MKI67: variants seen among roughly 807,000 people sequenced by gnomAD.
MKI67 encodes proliferation marker protein Ki-67.
MKI67 carries 152 observed loss-of-function variants against 233.5 expected under a neutral mutation model. That is an observed-to-expected ratio of 0.65 (90% CI 0.57 to 0.74). The LOEUF is 0.74. MKI67 is among the 30% of genes least tolerant of loss of function. The probability of loss-of-function intolerance (pLI) is 0.00; values close to 1 mark genes in which losing one functional copy is unlikely to be tolerated. For synonymous variants in MKI67, 1,465 were observed against 1,418.5 expected (o/e 1.03, Z -0.74); for missense variants, 3,940 against 3,885.2 (o/e 1.01, Z -0.37).
At chr10:128,116,136 T>C (rs759387317) in intron 6 of MKI67, 129 bp from the exon 7 acceptor site, 5 of 1,050,864 alleles carry the variant, frequency 4.8e-6, no homozygotes, top group Non-Finnish European at 6.8e-6. Context: ...CTACAAATTA[T>C]TTAATGCCTA....
In MKI67 at chr10:128,106,847, CTG is replaced by C. The variant is rs145960091; in HGVS notation, c.4991_4992del (p.Thr1664ArgfsTer7). On this transcript the variant is annotated frameshift_variant, in exon 13 of 15. Transcript: ENST00000368654. LOFTEE classifies it high-confidence loss of function. ...QTSGETTHTH[T>X]EPTGDGKSMK... ...ATGCTCTTACCATCTCCTGTTGGCT[CTG>C]TGTGTGTGTGTGTAGTCTCTCCTGA... 1.1e-4 allele frequency: 165 copies of C among 1,530,922 alleles called. No homozygotes were observed. Among genetic ancestry groups the C allele is most frequent in the South Asian group, 1.3e-4 (11 of 85,332 alleles). 94.8% of individuals were successfully genotyped at this position (1,530,922 alleles called of 1,614,324 possible). A position where few individuals can be genotyped will look rare whatever the true frequency, so the allele number is the denominator to read the frequency against.
At chr10:128,119,509 G>C (rs538816290) in intron 4 of MKI67, among the ~76,000 whole-genome samples, 190 bp from the exon 5 acceptor site, 5 of 152,288 alleles carry the variant, frequency 3.3e-5, no homozygotes, top group African/African-American at 1.2e-4. Context: ...TAGTTGCATC[G>C]AGTTTGTTTT....
At chr10:128,113,682 A>T (rs1852731486) in intron 7 of MKI67, 80 bp from the exon 8 acceptor site, 11 of 1,319,610 alleles carry the variant, frequency 8.3e-6, no homozygotes, top group Non-Finnish European at 1.1e-5. Context: ...TTAGCATTAA[A>T]GACAAACCAA....
At position 128,105,607 on chromosome 10, in the gene MKI67, C is replaced by G; in HGVS notation, c.6233G>C (p.Gly2078Ala). Residue 2078 changes from glycine (G) to alanine (A), a missense_variant, in exon 13 of 15, where the codon GGC (glycine) becomes GCC (alanine). Transcript: ENST00000368654. ...TGGTGTCTGGAAGAGCTCTTTGAAG[C>G]CGGCCAGGTCTTCTAGTGATTGGGC... is the stretch of plus-strand genomic sequence containing the variant. ...EEAQSLEDLA[G>A]FKELFQTPDH... is the part of the protein sequence containing the mutation. 2 of 1,613,982 alleles carry G rather than the reference C, an allele frequency of 1.2e-6. No individual in the cohort carries two copies. The highest frequency in any genetic ancestry group is 1.7e-6 in the Non-Finnish European group (2 of 1,179,998).
rs745430198 is a variant in MKI67 at position 128,108,325 on chromosome 10, T to C, written c.3515A>G (p.Lys1172Arg). 32 of 1,614,046 alleles carry C rather than the reference T, an allele frequency of 2.0e-5. No homozygotes were observed. The highest frequency in any genetic ancestry group is 2.5e-5 in the Non-Finnish European group (30 of 1,180,036). ...ALRKLTPSAG[K>R]AMLTPKPAGG... ...TGCTGGTTTGGGCGTAAGCATGGCT[T>C]TCCCTGCTGATGGTGTTAGTTTCCT... Residue 1172 changes from lysine (K) to arginine (R), a missense_variant, in exon 13 of 15, where the codon AAA becomes AGA. Transcript: ENST00000368654.
At chr10:128,119,349 A>G in intron 4 of MKI67, 30 bp from the exon 5 acceptor site, 1 of 1,518,784 alleles carries the variant, frequency 6.6e-7, no homozygotes, top group African/African-American at 1.4e-5. Context: ...AAAGATCCTG[A>G]TTAAAAATTT....
rs368284424 is a variant in MKI67, at chr10:128,098,777, G to A, written c.*413C>T. The A allele has an allele frequency of 2.9e-4, 45 of 156,068 alleles. 1 individual carries two copies. The South Asian group carries it at 6.3e-3, about 22-fold the overall frequency. 9.7% of individuals were successfully genotyped at this position (156,068 alleles called of 1,614,324 possible). A position where few individuals can be genotyped will look rare whatever the true frequency, so the allele number is the denominator to read the frequency against. On this transcript the variant is annotated 3_prime_UTR_variant, in exon 15 of 15. Transcript: ENST00000368654. ...GCTCATCCATTCATTCGTGTTTACC[G>A]AGTGCCTGCTCAGTGTTGGGACAGA...
Position 128,113,571 on chromosome 10 carries a change from C to T in MKI67, c.1512G>A (p.Arg504=), listed in dbSNP as rs1408414776. 1 of 1,614,162 alleles carries T rather than the reference C, an allele frequency of 6.2e-7. No individual in the cohort carries two copies. Among genetic ancestry groups the T allele is most frequent in the Non-Finnish European group, 8.5e-7 (1 of 1,180,028 alleles). ...TTAGGTGCCCACCAAAGGACACACG[C>T]CTTCTTTTCAAAGGTATTCCCTCAC... ...NESEGIPLKR[R]RVSFGGHLRP... is the part of the protein sequence containing the mutation. The change falls in exon 8 of 15, where the codon AGG becomes AGA. Residue 504 remains arginine (R), a synonymous_variant. Transcript: ENST00000368654.
rs768173795 is a variant in MKI67, at chr10:128,113,600, C to T, written c.1483G>A (p.Glu495Lys). The T allele has an allele frequency of 3.7e-6, 6 of 1,613,148 alleles. No homozygotes were observed. The highest frequency in any genetic ancestry group is 1.7e-5 in the Admixed American group (1 of 59,912). ...CTTTTCAAAGGTATTCCCTCACTCT[C>T]ATCTAAAGTAACGGATACAAATGTG... ...DINNFGDSIN[E>K]SEGIPLKRRR... The change falls in exon 8 of 15, where the codon GAG (glutamate) becomes AAG (lysine). Residue 495 changes from glutamate (E) to lysine (K), a missense_variant and splice_region_variant. Physicochemically the swap from Glu to Lys is moderately conservative, Grantham distance 56. Coordinates refer to ENST00000368654, the MANE Select transcript of MKI67 (RefSeq NM_002417.5).
At chr10:128,116,036 A>T in intron 6 of MKI67, 29 bp from the exon 7 acceptor site, 1 of 1,535,138 alleles carries the variant, frequency 6.5e-7, no homozygotes. Flanking sequence ...AATAAGAAAC[A>T]GAAGTTCAGC....
rs1721346004 is a variant in MKI67 at position 128,126,328 on chromosome 10, G to A, written c.-319C>T. ...CTGACGGGGACCCGGTGGCCCTACA[G>A]GCTACGTCCCCGGGCGCCCGGCTCT... On this transcript the variant is annotated 5_prime_UTR_variant, in exon 1 of 15. Coordinates refer to ENST00000368654, the MANE Select transcript of MKI67 (RefSeq NM_002417.5). The A allele has an allele frequency of 1.3e-5, 2 of 152,642 alleles. No individual in the cohort carries two copies. Among genetic ancestry groups the A allele is most frequent in the Non-Finnish European group, 1.5e-5 (1 of 68,162 alleles). 9.5% of individuals were successfully genotyped at this position (152,642 alleles called of 1,614,324 possible). A position where few individuals can be genotyped will look rare whatever the true frequency, so the allele number is the denominator to read the frequency against.
rs969491005 is a variant in MKI67 at position 128,125,505 on chromosome 10, G to A, written c.92+71C>T. On this transcript the variant is annotated intron_variant, in intron 2 of 14. Coordinates refer to ENST00000368654, the MANE Select transcript of MKI67 (RefSeq NM_002417.5). The surrounding 1 kb of genome is among the most constrained non-coding windows in gnomAD (Gnocchi z 5.3). ...GACCCAATCCTAGAGCGCGTTTCTG[G>A]ACTTTATTCTGTGACTAAGGTATTT... is the stretch of plus-strand genomic sequence containing the variant. The A allele has an allele frequency of 9.4e-6, 12 of 1,283,278 alleles. 1 individual carries two copies. In the South Asian group the frequency reaches 1.4e-4, roughly 15 times the overall value. The allele number at this position is 1,283,278 out of a possible 1,614,324, so 79.5% of individuals were successfully genotyped here.
In MKI67 at chr10:128,112,001, T is replaced by C; in HGVS notation, c.2014A>G (p.Thr672Ala). 2 of 1,613,718 alleles carry C rather than the reference T, an allele frequency of 1.2e-6. No individual in the cohort carries two copies. The highest frequency in any genetic ancestry group is 2.7e-5 in the African/African-American group (2 of 75,024). The change falls in exon 10 of 15, where the codon ACA becomes GCA. Residue 672 changes from threonine to alanine, a missense_variant. Physicochemically the swap from Thr to Ala is moderately conservative, Grantham distance 58. Transcript: ENST00000368654. Reference sequence around the variant, plus strand: ...CCATGTTTTATGACTTTAGTTTGTGTTTGTTTTGCACCAAGTTTTACTACA... The same window carrying C: ...CCATGTTTTATGACTTTAGTTTGTGCTTGTTTTGCACCAAGTTTTACTACA... ...ADVVKLGAKQ[T>A]QTKVIKHGPQ...
At chr10:128,123,793 A>AT (rs1282039042) in intron 2 of MKI67, among the ~76,000 whole-genome samples, 1 of 152,080 alleles carries the variant, frequency 6.6e-6, no homozygotes, top group African/African-American at 2.4e-5. Context: ...AAAAATACTA[A>AT]TTTGCAAGCG....
chr10:128,096,932 G>A lies in MKI67; in HGVS notation c.*2258C>T, dbSNP rs1291772064. On this transcript the variant is annotated 3_prime_UTR_variant, in exon 15 of 15. Transcript: ENST00000368654. ...AGGCAAGAAGCCTCCCTTAAGCTGA[G>A]CTCAGGACTGGATGAAATGATCTTG... 6.6e-6 allele frequency: 1 copy of A among 152,384 alleles called. No homozygotes were observed. The highest frequency in any genetic ancestry group is 2.4e-5 in the African/African-American group (1 of 41,430). The allele number at this position is 152,384 out of a possible 1,614,324, so 9.4% of individuals were successfully genotyped here.
chr10:128,109,512 A>T (rs1852622337), intron 12 of MKI67, 89 bp from the exon 13 acceptor site: 1 of 1,412,488 alleles, frequency 7.1e-7, no homozygotes, highest in Non-Finnish European at 9.5e-7. Context: ...GTAAAAAACT[A>T]AATATTTAGC....
intron 2 of MKI67, among the ~76,000 whole-genome samples, chr10:128,124,694 C>T (rs1382414667): frequency 6.6e-6 from 1 of 152,158 alleles, no homozygotes; most frequent in African/African-American, 2.4e-5. Flanking sequence ...CCACAACTCA[C>T]CCCTGAAGCT....
rs1486549597 is a variant in MKI67 at position 128,098,640 on chromosome 10, A to G, written c.*550T>C. The G allele has an allele frequency of 2.0e-5, 3 of 152,252 alleles. No individual in the cohort carries two copies. Among genetic ancestry groups the G allele is most frequent in the Non-Finnish European group, 4.4e-5 (3 of 68,070 alleles). 9.4% of individuals were successfully genotyped at this position (152,252 alleles called of 1,614,324 possible). Reference sequence around the variant, plus strand: ...CACAAAACTTTATTTTCAGAAAGGAAAGGACATCAAAAATAGGACTGTCCT... The same window carrying G: ...CACAAAACTTTATTTTCAGAAAGGAGAGGACATCAAAAATAGGACTGTCCT... On this transcript the variant is annotated 3_prime_UTR_variant, in exon 15 of 15. Coordinates refer to ENST00000368654, the MANE Select transcript of MKI67 (RefSeq NM_002417.5).
intron 5 of MKI67, among the ~76,000 whole-genome samples, chr10:128,116,826 G>A (rs1394455185): frequency 2.6e-5 from 4 of 152,220 alleles, no homozygotes; most frequent in Non-Finnish European, 5.9e-5. Flanking sequence ...AGAATTGCTG[G>A]AACCCGGGAG....
Sources: allele counts gnomAD v4.1 joint callset (sites outside exome capture counted in the v4.1 genomes callset), GRCh38; gene constraint gnomAD v4.1.1; non-coding constraint Gnocchi (gnomAD v3.1); transcripts MANE v1.5; gene names NCBI Gene and HGNC (gene_info 2026-07-23, HGNC 2026-07-21).